The following CHPT1 variants were observed in gnomAD, a reference collection of about 807,000 sequenced individuals.
The protein encoded by CHPT1 is choline phosphotransferase 1.
A neutral mutation model predicts 47.6 loss-of-function variants in CHPT1; 36 were observed. That is an observed-to-expected ratio of 0.76 (90% confidence interval 0.58 to 1.00). The LOEUF is 1.00. CHPT1 is among the 50% of genes least tolerant of loss of function. The pLI is 0.00. For synonymous variants in CHPT1, 194 were observed against 186.3 expected, an observed-to-expected ratio of 1.04 and a Z score of -0.33; for missense variants, 458 against 498.1, an observed-to-expected ratio of 0.92 and a Z score of 0.77.
At chr12:101,726,777 G>T in intron 8 of CHPT1, 1 of 260,122 alleles carries the variant, frequency 3.8e-6, no homozygotes, top group Non-Finnish European at 7.2e-6. Context: ...GAACATAAAG[G>T]ATTTTAGCCA....
intron 8 of CHPT1, chr12:101,726,611 A>C: frequency 1.6e-6 from 1 of 638,722 alleles, no homozygotes; most frequent in Non-Finnish European, 2.4e-6. Flanking sequence ...TTTATCACAG[A>C]TGTTCTCAGA....
intron 7 of CHPT1, among the ~76,000 whole-genome samples, chr12:101,725,824 A>G (rs571247723): frequency 2.6e-5 from 4 of 152,276 alleles, no homozygotes; most frequent in Admixed American, 2.0e-4. Context: ...AATAGAGGCC[A>G]TCTTTAAATT....
chr12:101,716,658 T>C (rs2137018494), intron 3 of CHPT1, 70 bp from the exon 4 acceptor site: 1 of 886,454 alleles, frequency 1.1e-6, no homozygotes, highest in South Asian at 1.7e-5. Flanking sequence ...CTATTTAATA[T>C]GTGATGAACC....
At chr12:101,713,381 G>C (rs538215999) in intron 1 of CHPT1, among the ~76,000 whole-genome samples, 1 of 152,138 alleles carries the variant, frequency 6.6e-6, no homozygotes, top group Non-Finnish European at 1.5e-5. Flanking sequence ...TCCTCTCTCT[G>C]TGCAGCTCTG....
Position 101,714,329 on chromosome 12 carries a change from G to A in CHPT1, c.421+92G>A, listed in dbSNP as rs191488001. The A allele has an allele frequency of 2.4e-4, 299 of 1,246,646 alleles. 1 individual carries two copies. The highest frequency in any genetic ancestry group is 7.4e-4 in the Admixed American group (30 of 40,812). The allele number at this position is 1,246,646 out of a possible 1,614,324, so 77.2% of individuals were successfully genotyped here. A position where few individuals can be genotyped will look rare whatever the true frequency, so the allele number is the denominator to read the frequency against. On this transcript the variant is annotated intron_variant, in intron 2 of 8. Transcript: ENST00000229266. ...CAGTTTTTTGGATGGATATACATTT[G>A]GGAGCAAATGTATGGAGTTGTTTAA... is the stretch of plus-strand genomic sequence containing the variant.
Position 101,723,851 on chromosome 12 carries a change from A to G in CHPT1, c.1065+4A>G, listed in dbSNP as rs1454422112. 6.7e-7 allele frequency: 1 copy of G among 1,496,760 alleles called. No homozygotes were observed. Among genetic ancestry groups the G allele is most frequent in the East Asian group, 2.3e-5 (1 of 43,846 alleles). The allele number at this position is 1,496,760 out of a possible 1,614,324, so 92.7% of individuals were successfully genotyped here. The stretch of plus-strand genomic sequence containing the variant: ...TGTTGTTCTATGGATGGCAATGGTA[A>G]GTATTTTTCTCCATTTTATTTATTT... On this transcript the variant is annotated splice_donor_region_variant and intron_variant, in intron 7 of 8. Coordinates refer to ENST00000229266, the MANE Select transcript of CHPT1 (RefSeq NM_020244.3).
chr12:101,697,903 GA>G lies in CHPT1; in HGVS notation c.43del (p.Arg15GlyfsTer3). 2 of 1,338,004 alleles carry G rather than the reference GA, an allele frequency of 1.5e-6. No homozygotes were observed. The highest frequency in any genetic ancestry group is 1.9e-6 in the Non-Finnish European group (2 of 1,045,436). 82.9% of individuals were successfully genotyped at this position (1,338,004 alleles called of 1,614,324 possible). ...AGAGSAPRWL[R>X]ALSEPLSAAQ... ...GGGCCGGGTCCGCGCCGCGCTGGCT[GA>G]GGGCGCTGAGCGAGCCGCTGAGCGC... On this transcript the variant is annotated frameshift_variant, in exon 1 of 9. Transcript: ENST00000229266. LOFTEE classifies it high-confidence loss of function.
At chr12:101,722,058 C>CAA (rs529429491) in intron 5 of CHPT1, among the ~76,000 whole-genome samples, 117 of 135,736 alleles carry the variant, frequency 8.6e-4, no homozygotes, top group East Asian at 6.3e-3. Flanking sequence ...GATTCCATCT[C>CAA]AAAAAAAAAA....
chr12:101,725,448 T>C (rs1181916988), intron 7 of CHPT1, among the ~76,000 whole-genome samples: 1 of 152,150 alleles, frequency 6.6e-6, no homozygotes, highest in Non-Finnish European at 1.5e-5. Context: ...ATGTAAGTTT[T>C]CTTTTAGTGA....
In CHPT1 at chr12:101,711,046, G is replaced by A. The variant is rs575073403; in HGVS notation, c.274-3044G>A. ...CCCCAAGAGGACACAATGGGGAAAG[G>A]ATAGTCTCTTCAATAAATAATGCTG... On this transcript the variant is annotated intron_variant, in intron 1 of 8. Transcript: ENST00000229266. 3.6e-4 allele frequency among the ~76,000 whole-genome samples: 53 copies of A among 148,594 alleles called. 5 individuals are homozygous for A. Among genetic ancestry groups the A allele is most frequent in the Middle Eastern group, 3.6e-3 (1 of 274 alleles).
chr12:101,698,089 C>A lies in CHPT1; in HGVS notation c.228C>A (p.Val76=). 1 of 1,564,006 alleles carries A rather than the reference C, an allele frequency of 6.4e-7. No homozygotes were observed. Among genetic ancestry groups the A allele is most frequent in the Non-Finnish European group, 8.6e-7 (1 of 1,163,216 alleles). Residue 76 remains valine (V), a synonymous_variant, in exon 1 of 9, where the codon GTC becomes GTA. Coordinates refer to ENST00000229266, the MANE Select transcript of CHPT1 (RefSeq NM_020244.3). ...TGCTGGGGCTCGCCGTCAACGTGGT[C>A]ACCACGCTCGTGCTCATCTCCTACT... ...ITLLGLAVNV[V]TTLVLISYCP... is the part of the protein sequence containing the mutation.
chr12:101,703,554 C>T (rs1951584815), intron 1 of CHPT1, among the ~76,000 whole-genome samples: 1 of 152,176 alleles, frequency 6.6e-6, no homozygotes, highest in South Asian at 2.1e-4. Flanking sequence ...CTAAACTGAG[C>T]CAAGACCAAA....
chr12:101,721,046 C>T (rs1951842218), intron 5 of CHPT1, among the ~76,000 whole-genome samples: 1 of 152,104 alleles, frequency 6.6e-6, no homozygotes, highest in Non-Finnish European at 1.5e-5. Flanking sequence ...ATTTTGGAGG[C>T]CGAGGCAGGT....
At chr12:101,721,868 G>A (rs1321036911) in intron 5 of CHPT1, among the ~76,000 whole-genome samples, 1 of 152,076 alleles carries the variant, frequency 6.6e-6, no homozygotes, top group African/African-American at 2.4e-5. Context: ...AGACCAGTCT[G>A]GCCAACACAA....
chr12:101,718,602 A>G (rs1022393737), intron 4 of CHPT1, among the ~76,000 whole-genome samples: 5 of 150,790 alleles, frequency 3.3e-5, no homozygotes, highest in African/African-American at 1.2e-4. Flanking sequence ...CAAGGCTGCA[A>G]TGAGCCATTA....
chr12:101,704,849 A>G (rs1951608064), intron 1 of CHPT1, among the ~76,000 whole-genome samples: 1 of 71,682 alleles, frequency 1.4e-5, no homozygotes, highest in South Asian at 5.1e-4. Flanking sequence ...CTCCTTCCAT[A>G]TGCCCAGCAC....
intron 3 of CHPT1, among the ~76,000 whole-genome samples, chr12:101,716,404 T>TG (rs1314978538): frequency 2.0e-5 from 3 of 152,204 alleles, no homozygotes; most frequent in African/African-American, 7.2e-5. Flanking sequence ...GTAATTATTG[T>TG]GAAAAAACTT....
chr12:101,701,600 CT>C (rs1408163681), intron 1 of CHPT1, among the ~76,000 whole-genome samples: 2 of 152,180 alleles, frequency 1.3e-5, no homozygotes, highest in Non-Finnish European at 2.9e-5. Context: ...CTTTGTAGGG[CT>C]TTGTAGCTCT....
chr12:101,723,664 TA>T, intron 6 of CHPT1, 57 bp from the exon 7 acceptor site: 1 of 1,076,040 alleles, frequency 9.3e-7, no homozygotes, highest in Non-Finnish European at 1.3e-6. Flanking sequence ...AATTCTGTCG[TA>T]AAAGCTAACA....
Sources: allele counts gnomAD v4.1 joint callset (sites outside exome capture counted in the v4.1 genomes callset), GRCh38; gene constraint gnomAD v4.1.1; transcripts MANE v1.5; gene names NCBI Gene and HGNC (gene_info 2026-07-23, HGNC 2026-07-21).